The following GNAT2 variants were observed in gnomAD, a reference collection of about 807,000 sequenced individuals.
GNAT2 encodes G protein subunit alpha transducin 2, also known as guanine nucleotide-binding protein G(t) subunit alpha-2.
Under a neutral mutation model 40.9 loss-of-function variants are expected in GNAT2, and 32 were observed. The observed-to-expected ratio is 0.78, with a 90% CI of 0.59 to 1.05. The LOEUF is 1.05. Ranked by LOEUF, GNAT2 falls within the 50% of genes least tolerant of loss-of-function variation. The probability of loss-of-function intolerance (pLI) is 0.00; values close to 1 mark genes in which losing one functional copy is unlikely to be tolerated. For synonymous variants in GNAT2, 141 were observed against 157.2 expected, an observed-to-expected ratio of 0.90 and a Z score of 0.77; for missense variants, 355 against 431.5, an observed-to-expected ratio of 0.82 and a Z score of 1.57.
chr1:109,615,410 T>A (rs1649923288), intron 1 of GNAT2: 1 of 151,864 alleles, frequency 6.6e-6, no homozygotes, highest in Non-Finnish European at 1.5e-5. Context: ...AATGGGCAGA[T>A]CATCTGAGGT....
At chr1:109,603,848 G>C (rs1287144989) in intron 8 of GNAT2, 103 bp downstream of exon 8, 2 of 887,566 alleles carry the variant, frequency 2.3e-6, no homozygotes, top group Admixed American at 1.7e-5. Context: ...CTGTGCCCAA[G>C]GTTCTCCCTT....
chr1:109,618,554 T>C (rs945028808), intron 1 of GNAT2, among the ~76,000 whole-genome samples: 23 of 152,238 alleles, frequency 1.5e-4, no homozygotes, highest in African/African-American at 5.3e-4. Flanking sequence ...CCAGATGGCT[T>C]TCAGAAAGAT....
intron 1 of GNAT2, chr1:109,618,187 A>T (rs1650009856): frequency 1.3e-5 from 2 of 152,226 alleles, no homozygotes; most frequent in African/African-American, 4.8e-5. Context: ...TCATTGGTAA[A>T]CTTGTTGGTG....
chr1:109,610,086 C>T lies in GNAT2; in HGVS notation c.257G>A (p.Arg86Gln), dbSNP rs140250745. ...NVLQSILAII[R>Q]AMTTLGIDYA... ...ATCGATGCCCAGTGTGGTCATGGCC[C>T]GGATGATAGCCAGGATGGACTGCAG... Residue 86 changes from arginine (R) to glutamine (Q), a missense_variant, in exon 4 of 9, where the codon CGG becomes CAG. Coordinates refer to ENST00000679935, the MANE Select transcript of GNAT2 (RefSeq NM_001377295.2). 2,257 of 1,613,916 alleles carry T rather than the reference C, an allele frequency of 1.4e-3. 2 individuals carry two copies. Among genetic ancestry groups the T allele is most frequent in the Non-Finnish European group, 1.8e-3 (2,106 of 1,179,826 alleles).
At chr1:109,607,240 A>T (rs1289833456) in intron 5 of GNAT2, 2 of 151,996 alleles carry the variant, frequency 1.3e-5, no homozygotes, top group African/African-American at 4.8e-5. Context: ...TCACAAGGTC[A>T]GGAGATCGAA....
intron 8 of GNAT2, 92 bp downstream of exon 8, chr1:109,603,859 A>C (rs1310354934): frequency 4.2e-6 from 4 of 946,870 alleles, no homozygotes; most frequent in Non-Finnish European, 6.9e-6. Flanking sequence ...GTTCTCCCTT[A>C]AGTTCCTTTG....
chr1:109,603,124 AC>A lies in GNAT2; in HGVS notation c.*229del. The A allele has an allele frequency of 1.8e-6, 1 of 566,234 alleles. No homozygotes were observed. The highest frequency in any genetic ancestry group is 3.1e-6 in the Non-Finnish European group (1 of 317,970). The allele number at this position is 566,234 out of a possible 1,614,324, so 35.1% of individuals were successfully genotyped here. ...TCACAGTTTTGTATTAAGTTGGAAA[AC>A]CAGTACTGGAACCTGGGGGGTCTTC... is the stretch of plus-strand genomic sequence containing the variant. On this transcript the variant is annotated 3_prime_UTR_variant, in exon 9 of 9. Coordinates refer to ENST00000679935, the MANE Select transcript of GNAT2 (RefSeq NM_001377295.2).
Position 109,612,933 on chromosome 1 carries a change from A to G in GNAT2, c.-53-10T>C. On this transcript the variant is annotated splice_polypyrimidine_tract_variant and intron_variant, in intron 1 of 8. Transcript: ENST00000679935. ...TCTCTCGTAAGGTTTCCTGTATGTG[A>G]GATGGAAGAGAAGGAAAAAAGTTGG... The G allele has an allele frequency of 9.0e-7, 1 of 1,112,134 alleles. No individual in the cohort carries two copies. Among genetic ancestry groups the G allele is most frequent in the Non-Finnish European group, 1.4e-6 (1 of 726,406 alleles). 68.9% of individuals were successfully genotyped at this position (1,112,134 alleles called of 1,614,324 possible).
At chr1:109,610,282 TCTGTTGCTA>T (rs1649757325) in intron 3 of GNAT2, 101 bp from the exon 4 acceptor site, 1 of 1,363,220 alleles carries the variant, frequency 7.3e-7, no homozygotes, top group African/African-American at 1.4e-5. Flanking sequence ...ATCCTATCTC[TCTGTTGCTA>T]CTGCTTTCTC....
In GNAT2 at chr1:109,610,472, G is replaced by A. The variant is rs775584517; in HGVS notation, c.154C>T (p.Gln52Ter). The A allele has an allele frequency of 1.2e-6, 2 of 1,613,554 alleles. No homozygotes were observed. Among genetic ancestry groups the A allele is most frequent in the South Asian group, 1.1e-5 (1 of 91,074 alleles). Residue 52 changes from glutamine (Q) to a stop codon, truncating the protein, a stop_gained, in exon 3 of 9, where the codon CAG (glutamine) becomes TAG (stop). Transcript: ENST00000679935. LOFTEE classifies it high-confidence loss of function. ...GESGKSTIVK[Q>*]MKIIHQDGYS... Reference sequence around the variant, plus strand: ...GGCTTTGTTTCTACTCACTTCATCTGTTTGACGATGGTGCTCTTTCCTGAC... The same window carrying A: ...GGCTTTGTTTCTACTCACTTCATCTATTTGACGATGGTGCTCTTTCCTGAC...
At chr1:109,609,340 G>A (rs1286980729) in intron 4 of GNAT2, 1 of 183,794 alleles carries the variant, frequency 5.4e-6, no homozygotes, top group East Asian at 1.4e-4. Context: ...GTGTTATAAA[G>A]TAGGGCTTGA....
intron 5 of GNAT2, chr1:109,606,658 C>G: frequency 1.9e-6 from 1 of 518,022 alleles, no homozygotes; most frequent in South Asian, 2.0e-5. Context: ...GCTGGAGTTC[C>G]AGCGCATTTA....
At chr1:109,616,245 G>A (rs1649948738) in intron 1 of GNAT2, 1 of 152,240 alleles carries the variant, frequency 6.6e-6, no homozygotes, top group Admixed American at 6.5e-5. Context: ...GGTATGTAGT[G>A]CTAGTTCCAT....
At chr1:109,618,562 G>T (rs2101135585) in intron 1 of GNAT2, among the ~76,000 whole-genome samples, 1 of 152,308 alleles carries the variant, frequency 6.6e-6, no homozygotes, top group South Asian at 2.1e-4. Context: ...CTTTCAGAAA[G>T]ATTATATCAG....
chr1:109,610,487 T>C lies in GNAT2; in HGVS notation c.139A>G (p.Ser47Gly), dbSNP rs146606352. 1.9e-6 allele frequency: 3 copies of C among 1,613,826 alleles called. No individual in the cohort carries two copies. The highest frequency in any genetic ancestry group is 2.2e-5 in the South Asian group (2 of 91,074). ...CACTTCATCTGTTTGACGATGGTGCTCTTTCCTGACTCCCCAGCACCTGGA... is the reference window on the plus strand; with the variant it reads ...CACTTCATCTGTTTGACGATGGTGCCCTTTCCTGACTCCCCAGCACCTGGA... Reference protein sequence around the residue: ...LLLGAGESGKSTIVKQMKIIH... With the variant: ...LLLGAGESGKGTIVKQMKIIH... Residue 47 changes from serine to glycine, a missense_variant, in exon 3 of 9, where the codon AGC becomes GGC. Coordinates refer to ENST00000679935, the MANE Select transcript of GNAT2 (RefSeq NM_001377295.2).
At position 109,606,452 on chromosome 1, in the gene GNAT2, T is replaced by C. The variant is rs183584111; in HGVS notation, c.462-16A>G. The C allele has an allele frequency of 1.2e-6, 2 of 1,611,060 alleles. No individual in the cohort carries two copies. The highest frequency in any genetic ancestry group is 4.5e-5 in the East Asian group (2 of 44,864). On this transcript the variant is annotated splice_polypyrimidine_tract_variant and intron_variant, in intron 5 of 8. Coordinates refer to ENST00000679935, the MANE Select transcript of GNAT2 (RefSeq NM_001377295.2). ...GTTCAGGTAGCTAGAGAAAAGTGAT[T>C]AGCATCAATGACAAATTTTCCACAG...
intron 1 of GNAT2, chr1:109,615,232 T>G (rs531038105): frequency 6.6e-6 from 1 of 152,330 alleles, no homozygotes; most frequent in Non-Finnish European, 1.5e-5. Flanking sequence ...CAGCTGGGCA[T>G]AGTGGCGCAT....
rs1649681438 is a variant in GNAT2 at position 109,608,414 on chromosome 1, A to C, written c.461+217T>G. 9 of 617,664 alleles carry C rather than the reference A, an allele frequency of 1.5e-5. No homozygotes were observed. The Middle Eastern group carries it at 1.3e-3, about 89-fold the overall frequency. 38.3% of individuals were successfully genotyped at this position (617,664 alleles called of 1,614,324 possible). The stretch of plus-strand genomic sequence containing the variant: ...AGGCTGTAGTGAGCCAGTGTAAAGC[A>C]ATAGAAAGTCATGACAACTGTGGCA... On this transcript the variant is annotated intron_variant, in intron 5 of 8. Transcript: ENST00000679935.
At chr1:109,617,478 G>A (rs1215554796) in intron 1 of GNAT2, 2 of 152,200 alleles carry the variant, frequency 1.3e-5, no homozygotes, top group Non-Finnish European at 2.9e-5. Context: ...CAGGCCATAG[G>A]ATGACTCACT....
Sources: gnomAD v4.1 joint callset for allele counts (sites outside exome capture counted in the v4.1 genomes callset) on GRCh38, gnomAD v4.1.1 for gene constraint, MANE v1.5 for transcripts, NCBI Gene and HGNC (gene_info 2026-07-23, HGNC 2026-07-21) for gene names.